AKT3: variants seen among roughly 807,000 people sequenced by gnomAD.
The protein encoded by AKT3 is AKT serine/threonine kinase 3, also known as RAC-gamma serine/threonine-protein kinase.
A neutral mutation model predicts 65.3 loss-of-function variants in AKT3; 15 were observed. The ratio of observed to expected loss-of-function variants is 0.23; its 90% CI spans 0.15 to 0.35. The LOEUF (loss-of-function observed/expected upper bound fraction) is 0.35, where lower values mean the gene tolerates loss of function less well. AKT3 is among the 10% of genes least tolerant of loss of function. AKT3 has a pLI of 1.00. For missense variants in AKT3, 243 were observed against 576.5 expected, an observed-to-expected ratio of 0.42 and a Z score of 5.92; for synonymous variants, 206 against 183.8, an observed-to-expected ratio of 1.12 and a Z score of -0.98.
At chr1:243,832,120 T>TA (rs869235352) in intron 2 of AKT3, among the ~76,000 whole-genome samples, 3 of 44,772 alleles carry the variant, frequency 6.7e-5, no homozygotes, top group African/African-American at 8.0e-5. Flanking sequence ...TCCCTAAAAC[T>TA]AAAAAAAAAA....
intron 3 of AKT3, among the ~76,000 whole-genome samples, chr1:243,689,134 T>A (rs1262386286): frequency 6.6e-6 from 1 of 152,198 alleles, no homozygotes; most frequent in Non-Finnish European, 1.5e-5. Context: ...CTGCTATATG[T>A]TCTATGTGAA....
At chr1:243,698,915 A>G (rs1685236402) in intron 2 of AKT3, among the ~76,000 whole-genome samples, 1 of 130,824 alleles carries the variant, frequency 7.6e-6, no homozygotes, top group Non-Finnish European at 1.5e-5. Flanking sequence ...GGCTGGACCA[A>G]AAAAAAAAAA....
chr1:243,751,248 A>G (rs1194237132), intron 2 of AKT3, among the ~76,000 whole-genome samples: 2 of 152,250 alleles, frequency 1.3e-5, no homozygotes, highest in Non-Finnish European at 2.9e-5. Flanking sequence ...TTTATAAAAC[A>G]TTTGCCACAA....
chr1:243,691,414 T>A (rs1181095553), intron 3 of AKT3, among the ~76,000 whole-genome samples: 1 of 152,150 alleles, frequency 6.6e-6, no homozygotes, highest in Non-Finnish European at 1.5e-5. Flanking sequence ...TATGATATAA[T>A]TTTAGAAAGA....
At chr1:243,603,057 T>C (rs899604907) in intron 8 of AKT3, among the ~76,000 whole-genome samples, 2 of 152,246 alleles carry the variant, frequency 1.3e-5, no homozygotes, top group Non-Finnish European at 2.9e-5. Context: ...TCTCCCAGGA[T>C]ATTTTTCTGC....
At chr1:243,701,065 C>T (rs768997688) in intron 2 of AKT3, among the ~76,000 whole-genome samples, 1 of 152,166 alleles carries the variant, frequency 6.6e-6, no homozygotes, top group African/African-American at 2.4e-5. Flanking sequence ...TTCATCAACA[C>T]TCTACTGAGA....
chr1:243,795,382 G>A (rs1322042381), intron 2 of AKT3, among the ~76,000 whole-genome samples: 6 of 151,660 alleles, frequency 4.0e-5, no homozygotes, highest in Non-Finnish European at 8.8e-5. Flanking sequence ...GTGCAGTTCT[G>A]GAAGGAGAGC....
At chr1:243,682,098 C>T (rs1324466652) in intron 3 of AKT3, among the ~76,000 whole-genome samples, 1 of 151,764 alleles carries the variant, frequency 6.6e-6, no homozygotes, top group East Asian at 1.9e-4. Context: ...TTTAAAATGA[C>T]ACACTAAAAA....
chr1:243,649,359 ATG>A, intron 4 of AKT3, among the ~76,000 whole-genome samples: 1 of 105,050 alleles, frequency 9.5e-6, no homozygotes, highest in Admixed American at 9.5e-5. Context: ...GTGTGTGTGT[ATG>A]TTGGGTGTGT....
intron 2 of AKT3, among the ~76,000 whole-genome samples, chr1:243,787,318 T>A (rs1047596726): frequency 2.6e-5 from 4 of 152,198 alleles, no homozygotes; most frequent in African/African-American, 7.2e-5. Context: ...ATGCACATTT[T>A]TTTAAATTAA....
At chr1:243,638,902 TAAAAGAAAGA>T (rs1204934808) in intron 5 of AKT3, among the ~76,000 whole-genome samples, 1 of 151,880 alleles carries the variant, frequency 6.6e-6, no homozygotes, top group African/African-American at 2.4e-5. Flanking sequence ...ATTAAATTTT[TAAAAGAAAGA>T]AAAAGAGTAG....
At chr1:243,813,660 A>G (rs570671992) in intron 2 of AKT3, among the ~76,000 whole-genome samples, 16 of 152,320 alleles carry the variant, frequency 1.1e-4, no homozygotes, top group Admixed American at 7.8e-4. Context: ...ATGGACTACC[A>G]TATTAGGCAT....
At chr1:243,768,867 A>G (rs1023583413) in intron 2 of AKT3, among the ~76,000 whole-genome samples, 6 of 151,914 alleles carry the variant, frequency 3.9e-5, no homozygotes, top group African/African-American at 1.5e-4. Flanking sequence ...TAGTTCACAT[A>G]CCATAAAAAT....
At chr1:243,583,540 C>CAAAAAA (rs1294857854) in intron 8 of AKT3, among the ~76,000 whole-genome samples, 23 of 29,894 alleles carry the variant, frequency 7.7e-4, no homozygotes, top group East Asian at 1.7e-3. Flanking sequence ...AAGTAAGTCT[C>CAAAAAA]AAAAAAAAAA....
At chr1:243,650,743 T>C (rs1681243619) in intron 4 of AKT3, among the ~76,000 whole-genome samples, 2 of 152,194 alleles carry the variant, frequency 1.3e-5, no homozygotes, top group Non-Finnish European at 2.9e-5. Flanking sequence ...GAGGCCTCTG[T>C]TCTGTTCCAT....
chr1:243,666,538 T>C (rs907768329), intron 3 of AKT3, among the ~76,000 whole-genome samples: 9 of 152,158 alleles, frequency 5.9e-5, no homozygotes, highest in Non-Finnish European at 1.3e-4. Context: ...ACTCAGTATT[T>C]TCCCCCTAAA....
chr1:243,503,201 T>A lies in AKT3; in HGVS notation c.*2048A>T, dbSNP rs1341217197. On this transcript the variant is annotated 3_prime_UTR_variant, in exon 14 of 14. Transcript: ENST00000673466. The stretch of plus-strand genomic sequence containing the variant: ...GATGAACTTCACTCAGGTAGAAATA[T>A]GAAAAAGAAGGATAACGTTGATGTC... 3 of 233,522 alleles carry A rather than the reference T, an allele frequency of 1.3e-5. No homozygotes were observed. Among genetic ancestry groups the A allele is most frequent in the Non-Finnish European group, 2.5e-5 (3 of 118,040 alleles). The allele number at this position is 233,522 out of a possible 1,614,324, so 14.5% of individuals were successfully genotyped here.
At chr1:243,839,134 A>G (rs981003687) in intron 2 of AKT3, among the ~76,000 whole-genome samples, 2 of 152,340 alleles carry the variant, frequency 1.3e-5, no homozygotes, top group East Asian at 1.9e-4. Context: ...ATAAATTATA[A>G]TAAGCCCTTA....
intron 2 of AKT3, chr1:243,808,366 A>G (rs1207195806): frequency 6.6e-6 from 1 of 152,244 alleles, no homozygotes. Flanking sequence ...CCATGGCACG[A>G]GAACTACGTG....
Sources: allele counts gnomAD v4.1 joint callset (sites outside exome capture counted in the v4.1 genomes callset), GRCh38; gene constraint gnomAD v4.1.1; transcripts MANE v1.5; gene names NCBI Gene and HGNC (gene_info 2026-07-23, HGNC 2026-07-21).